RASA1: variants seen among roughly 807,000 people sequenced by gnomAD.
The protein encoded by RASA1 is ras GTPase-activating protein 1.
RASA1 carries 25 observed loss-of-function variants against 132.2 expected under a neutral mutation model. The ratio of observed to expected loss-of-function variants is 0.19; its 90% confidence interval spans 0.14 to 0.26. The LOEUF (loss-of-function observed/expected upper bound fraction) is 0.26, where lower values mean the gene tolerates loss of function less well. Among genes scored for constraint, RASA1 ranks in the 10% least tolerant of loss-of-function variants. The pLI, the probability that RASA1 is intolerant of heterozygous loss-of-function variation, is 1.00. For synonymous variants in RASA1, 477 were observed against 449.9 expected, an observed-to-expected ratio of 1.06 and a Z score of -0.76; for missense variants, 964 against 1,299.2, an observed-to-expected ratio of 0.74 and a Z score of 3.97.
At chr5:87,304,325 G>A (rs182799714) in intron 1 of RASA1, among the ~76,000 whole-genome samples, 77 of 152,240 alleles carry the variant, frequency 5.1e-4, no homozygotes, top group Admixed American at 8.5e-4. Flanking sequence ...TTGTCCTAAA[G>A]ATTACAACAT....
Position 87,391,621 on chromosome 5 carries a change from T to G in RASA1, c.*738T>G, listed in dbSNP as rs1762526936. On this transcript the variant is annotated 3_prime_UTR_variant, in exon 25 of 25. Transcript: ENST00000274376. Reference sequence around the variant, plus strand: ...ATAGTTTGAATTCAGTAAATATTATTGGTTGTTGTATTGATCAATGCATGT... The same window carrying G: ...ATAGTTTGAATTCAGTAAATATTATGGGTTGTTGTATTGATCAATGCATGT... 1 of 234,924 alleles carries G rather than the reference T, an allele frequency of 4.3e-6. No homozygotes were observed. The highest frequency in any genetic ancestry group is 8.4e-6 in the Non-Finnish European group (1 of 118,880). 14.6% of individuals were successfully genotyped at this position (234,924 alleles called of 1,614,324 possible). A position where few individuals can be genotyped will look rare whatever the true frequency, so the allele number is the denominator to read the frequency against.
intron 1 of RASA1, among the ~76,000 whole-genome samples, chr5:87,325,343 C>CA (rs1757153308): frequency 6.6e-6 from 1 of 152,162 alleles, no homozygotes; most frequent in Admixed American, 6.5e-5. Context: ...TGGGTGGAGA[C>CA]ACAGCCAAAC....
intron 1 of RASA1, among the ~76,000 whole-genome samples, chr5:87,281,570 C>T (rs1405355515): frequency 6.6e-6 from 1 of 151,276 alleles, no homozygotes; most frequent in African/African-American, 2.4e-5. Context: ...ATGTCTGTTG[C>T]CCATTTTTGT....
At chr5:87,277,663 T>C (rs1289826214) in intron 1 of RASA1, among the ~76,000 whole-genome samples, 2 of 152,176 alleles carry the variant, frequency 1.3e-5, no homozygotes, top group African/African-American at 4.8e-5. Flanking sequence ...CAGCCCAAAC[T>C]GACTAATACA....
rs978278965 is a variant in RASA1, at chr5:87,369,745, G to A, written c.1611-68G>A. ...GTTAATTATTTATTGTGAGTGTTTTGGAAGCTGGTATAAATATTTTGCTAC... is the reference window on the plus strand; with the variant it reads ...GTTAATTATTTATTGTGAGTGTTTTAGAAGCTGGTATAAATATTTTGCTAC... On this transcript the variant is annotated intron_variant, in intron 11 of 24. Coordinates refer to ENST00000274376, the MANE Select transcript of RASA1 (RefSeq NM_002890.3). 3.1e-6 allele frequency: 3 copies of A among 979,858 alleles called. No homozygotes were observed. In the South Asian group the frequency reaches 4.2e-5, roughly 14 times the overall value. The allele number at this position is 979,858 out of a possible 1,614,324, so 60.7% of individuals were successfully genotyped here.
intron 1 of RASA1, among the ~76,000 whole-genome samples, chr5:87,294,874 G>A (rs1365734270): frequency 6.6e-6 from 1 of 152,216 alleles, no homozygotes; most frequent in East Asian, 1.9e-4. Context: ...TTAATTGAAA[G>A]TGCTGCTGAG....
rs779676560 is a variant in RASA1 at position 87,349,222 on chromosome 5, G to A, written c.1111G>A (p.Val371Ile). Reference protein sequence around the residue: ...AYNLLMTVGQVCSFLVRPSDN... With the variant: ...AYNLLMTVGQICSFLVRPSDN... ...CAGCTTAATTCTTACAGTTGGTCAA[G>A]TCTGCAGTTTTCTTGTGAGGCCCTC... Residue 371 changes from valine to isoleucine, a missense_variant, in exon 8 of 25, where the codon GTC becomes ATC. Physicochemically the swap from Val to Ile is conservative, Grantham distance 29. This residue lies in a region of RASA1 where 154 missense variants were observed against 286.5 expected (regional missense o/e 0.54). Transcript: ENST00000274376. The A allele has an allele frequency of 9.9e-6, 16 of 1,611,764 alleles. No homozygotes were observed. The highest frequency in any genetic ancestry group is 4.5e-5 in the East Asian group (2 of 44,746).
rs571839010 is a variant in RASA1 at position 87,347,926 on chromosome 5, T to TA, written c.1102+1205dup. Among the ~76,000 whole-genome samples, 492 of 152,118 alleles carry TA rather than the reference T, an allele frequency of 3.2e-3. 2 individuals are homozygous for TA. Among genetic ancestry groups the TA allele is most frequent in the Non-Finnish European group, 4.2e-3 (283 of 67,902 alleles). On this transcript the variant is annotated intron_variant, in intron 7 of 24. Coordinates refer to ENST00000274376, the MANE Select transcript of RASA1 (RefSeq NM_002890.3). The stretch of plus-strand genomic sequence containing the variant: ...AAGTCATACAAGGTTGAAAAGGAGC[T>TA]AAACTTAATTTCCTTAATACATTAG...
chr5:87,362,189 A>G (rs1760156761), intron 9 of RASA1, among the ~76,000 whole-genome samples: 1 of 152,244 alleles, frequency 6.6e-6, no homozygotes, highest in South Asian at 2.1e-4. Context: ...TTATGCTTAC[A>G]TTGGTTCCTA....
intron 16 of RASA1, 57 bp downstream of exon 16, chr5:87,376,622 T>G: frequency 6.4e-7 from 1 of 1,558,544 alleles, no homozygotes; most frequent in Non-Finnish European, 8.8e-7. Flanking sequence ...CATTTAACAT[T>G]TAATAAAAGA....
At chr5:87,340,295 C>T (rs976841150) in intron 5 of RASA1, among the ~76,000 whole-genome samples, 1 of 152,076 alleles carries the variant, frequency 6.6e-6, no homozygotes, top group Non-Finnish European at 1.5e-5. Context: ...TCTGTATTTC[C>T]ATAGCACCTT....
Position 87,389,452 on chromosome 5 carries a change from A to G in RASA1, c.2985A>G (p.Leu995=), listed in dbSNP as rs766526403. The G allele has an allele frequency of 9.9e-6, 16 of 1,614,192 alleles. No individual in the cohort carries two copies. In the South Asian group the frequency reaches 1.8e-4, roughly 18 times the overall value. ...EHSRTDLSRD[L]AALHEICVAH... The stretch of plus-strand genomic sequence containing the variant: ...CTAGAACGGACCTGTCCCGTGATTT[A>G]GCAGCATTGCATGAGATTTGCGTGG... The change falls in exon 24 of 25, where the codon TTA becomes TTG. Residue 995 remains leucine (L), a synonymous_variant. Coordinates refer to ENST00000274376, the MANE Select transcript of RASA1 (RefSeq NM_002890.3).
At position 87,268,836 on chromosome 5, in the gene RASA1, G is replaced by C; in HGVS notation, c.385G>C (p.Gly129Arg). Reference sequence around the variant, plus strand: ...CACTTCGTTGCTTGCTGAGACTCTCGGGCCAGGCGGCGGTTTTCCCCCTCT... The same window carrying C: ...CACTTCGTTGCTTGCTGAGACTCTCCGGCCAGGCGGCGGTTTTCCCCCTCT... Reference protein sequence around the residue: ...LPTSLLAETLGPGGGFPPLPP... With the variant: ...LPTSLLAETLRPGGGFPPLPP... The change falls in exon 1 of 25, where the codon GGG (glycine) becomes CGG (arginine). Residue 129 changes from glycine to arginine, a missense_variant. Gly to Arg is a moderately radical substitution (Grantham distance 125). Around this residue, in one of 6 missense-constraint regions of RASA1, gnomAD observed 326 missense variants for 275.8 expected, o/e 1.18. Coordinates refer to ENST00000274376, the MANE Select transcript of RASA1 (RefSeq NM_002890.3). The C allele has an allele frequency of 3.1e-6, 5 of 1,614,094 alleles. No individual in the cohort carries two copies. The highest frequency in any genetic ancestry group is 3.4e-6 in the Non-Finnish European group (4 of 1,180,024).
chr5:87,385,655 A>G (rs572798239), intron 22 of RASA1, among the ~76,000 whole-genome samples: 12 of 152,222 alleles, frequency 7.9e-5, no homozygotes, highest in African/African-American at 1.9e-4. Flanking sequence ...AACATAATCA[A>G]TGAGTACATT....
chr5:87,275,481 C>T (rs558357217), intron 1 of RASA1, among the ~76,000 whole-genome samples: 1 of 152,226 alleles, frequency 6.6e-6, no homozygotes, highest in South Asian at 2.1e-4. Flanking sequence ...AATCTAGTGC[C>T]TCAACTGGGA....
intron 1 of RASA1, among the ~76,000 whole-genome samples, chr5:87,294,700 G>A (rs902499627): frequency 2.0e-5 from 3 of 152,084 alleles, no homozygotes; most frequent in African/African-American, 7.2e-5. Context: ...TTAATTCTGT[G>A]GTCTGATAGT....
intron 1 of RASA1, among the ~76,000 whole-genome samples, chr5:87,310,804 A>G (rs1755844581): frequency 6.6e-6 from 1 of 152,196 alleles, no homozygotes; most frequent in Non-Finnish European, 1.5e-5. Context: ...GTACAAAGCA[A>G]AAACTTCTGA....
chr5:87,358,580 T>G (rs1173728046), intron 9 of RASA1, among the ~76,000 whole-genome samples: 1 of 152,254 alleles, frequency 6.6e-6, no homozygotes, highest in Non-Finnish European at 1.5e-5. Flanking sequence ...TGTCCCCTTA[T>G]GCTGCATGCT....
intron 1 of RASA1, among the ~76,000 whole-genome samples, chr5:87,277,162 A>G (rs529939081): frequency 1.3e-5 from 2 of 152,330 alleles, no homozygotes; most frequent in East Asian, 1.9e-4. Flanking sequence ...ACTGAGTGAT[A>G]GAGCTGGAAT....
Sources: gnomAD v4.1 joint callset for allele counts (sites outside exome capture counted in the v4.1 genomes callset) on GRCh38, gnomAD v4.1.1 for gene constraint, gnomAD v4.1.1 regional missense constraint, MANE v1.5 for transcripts, NCBI Gene and HGNC (gene_info 2026-07-23, HGNC 2026-07-21) for gene names.